The following LRP1B variants were observed in gnomAD, a reference collection of about 807,000 sequenced individuals.
The protein encoded by LRP1B is low-density lipoprotein receptor-related protein 1B.
In LRP1B, 217 loss-of-function variants were observed where a neutral mutation model predicts 556.6. That is an observed-to-expected ratio of 0.39 (90% CI 0.35 to 0.44). The LOEUF (loss-of-function observed/expected upper bound fraction) is 0.44. Among genes scored for constraint, LRP1B ranks in the 20% least tolerant of loss-of-function variants. The pLI, the probability that LRP1B is intolerant of heterozygous loss-of-function variation, is 1.00. For missense variants in LRP1B, 5,053 were observed against 5,620.8 expected (o/e 0.90, Z 3.23); for synonymous variants, 2,047 against 1,865.8 (o/e 1.10, Z -2.50).
At chr2:141,932,483 T>C (rs1336775968) in intron 1 of LRP1B, among the ~76,000 whole-genome samples, 1 of 152,048 alleles carries the variant, frequency 6.6e-6, no homozygotes, top group Non-Finnish European at 1.5e-5. Context: ...GCCCTCTATT[T>C]TACATTTTTC....
chr2:141,549,763 G>T (rs910402638), intron 2 of LRP1B, among the ~76,000 whole-genome samples: 3 of 152,144 alleles, frequency 2.0e-5, no homozygotes, highest in African/African-American at 7.2e-5. Context: ...TTGGGAGGCC[G>T]AGGCAGGTGG....
chr2:141,011,071 CAGAGAGAGAGAG>C (rs143409764), intron 14 of LRP1B, among the ~76,000 whole-genome samples: 1 of 142,792 alleles, frequency 7.0e-6, no homozygotes, highest in Non-Finnish European at 1.5e-5. Context: ...TGTATTCTCT[CAGAGAGAGAGAG>C]AGAGAGAGAG....
At chr2:141,227,838 C>A (rs535092598) in intron 6 of LRP1B, among the ~76,000 whole-genome samples, 1 of 152,216 alleles carries the variant, frequency 6.6e-6, no homozygotes, top group South Asian at 2.1e-4. Context: ...ATTATTGAAA[C>A]GAGATCAAAT....
At chr2:141,126,041 T>TA (rs1466055807) in intron 7 of LRP1B, among the ~76,000 whole-genome samples, 1 of 151,434 alleles carries the variant, frequency 6.6e-6, no homozygotes, top group African/African-American at 2.4e-5. Flanking sequence ...CCTTTTATTT[T>TA]TTTTTTTTTG....
intron 6 of LRP1B, among the ~76,000 whole-genome samples, chr2:141,197,990 C>T (rs1028707282): frequency 1.3e-5 from 2 of 151,856 alleles, no homozygotes; most frequent in African/African-American, 4.8e-5. Flanking sequence ...TCAATTATTG[C>T]CCCATAAGTT....
chr2:140,913,561 T>C (rs1362222210), intron 21 of LRP1B, among the ~76,000 whole-genome samples: 1 of 151,884 alleles, frequency 6.6e-6, no homozygotes, highest in African/African-American at 2.4e-5. Flanking sequence ...CCATGTAAAA[T>C]CAAAAAGCAA....
At chr2:140,498,082 A>C (rs191646982) in intron 55 of LRP1B, among the ~76,000 whole-genome samples, 1 of 152,004 alleles carries the variant, frequency 6.6e-6, no homozygotes, top group Admixed American at 6.6e-5. Flanking sequence ...AGAAAATAAT[A>C]ATCTTTTGCA....
At chr2:142,112,543 T>C (rs1317077450) in intron 1 of LRP1B, among the ~76,000 whole-genome samples, 4 of 152,082 alleles carry the variant, frequency 2.6e-5, no homozygotes, top group Non-Finnish European at 4.4e-5. Context: ...TCATGGAAGA[T>C]GTCATAAAAT....
At chr2:141,943,994 C>G (rs899871094) in intron 1 of LRP1B, among the ~76,000 whole-genome samples, 1 of 152,142 alleles carries the variant, frequency 6.6e-6, no homozygotes, top group African/African-American at 2.4e-5. Context: ...CACAGGGGAA[C>G]AGGAGGGCCA....
At chr2:141,766,098 AAACT>A (rs1470907500) in intron 2 of LRP1B, among the ~76,000 whole-genome samples, 1 of 152,208 alleles carries the variant, frequency 6.6e-6, no homozygotes, top group African/African-American at 2.4e-5. Context: ...GCACAAAATT[AAACT>A]ATGGGTAATT....
At chr2:142,031,578 T>C (rs76371326) in intron 1 of LRP1B, among the ~76,000 whole-genome samples, 1,690 of 142,310 alleles carry the variant, frequency 0.012, 85 homozygotes, top group East Asian at 0.12. Context: ...ATTCTCTTAA[T>C]GTATTGAAGA....
At chr2:140,299,310 T>TA (rs1683723854) in intron 83 of LRP1B, among the ~76,000 whole-genome samples, 1 of 152,100 alleles carries the variant, frequency 6.6e-6, no homozygotes, top group African/African-American at 2.4e-5. Flanking sequence ...CATAACTTAT[T>TA]AACTTTACTT....
chr2:142,028,723 TTA>T (rs1253913649), intron 1 of LRP1B, among the ~76,000 whole-genome samples: 1 of 151,950 alleles, frequency 6.6e-6, no homozygotes, highest in Non-Finnish European at 1.5e-5. Flanking sequence ...AATTTTGACT[TTA>T]TATAAGAAAG....
intron 66 of LRP1B, among the ~76,000 whole-genome samples, chr2:140,392,716 T>A (rs539305856): frequency 6.6e-6 from 1 of 152,232 alleles, no homozygotes; most frequent in East Asian, 1.9e-4. Context: ...TACATGTGAT[T>A]CAGAATATAG....
Position 140,601,593 on chromosome 2 carries a change from T to C in LRP1B, c.6846A>G (p.Thr2282=). 6.2e-7 allele frequency: 1 copy of C among 1,611,404 alleles called. No individual in the cohort carries two copies. Among genetic ancestry groups the C allele is most frequent in the Non-Finnish European group, 8.5e-7 (1 of 1,178,284 alleles). ...EGLAYHRAWD[T]LYWTSSTTSS... is the part of the protein sequence containing the mutation. ...AGGTGGTAGAGCTTGTCCAGTACAG[T>C]GTATCCCAGGCTCTGTGATAGGCAA... Residue 2282 remains threonine (T), a synonymous_variant, in exon 42 of 91, where the codon ACA becomes ACG. Transcript: ENST00000389484.
intron 7 of LRP1B, among the ~76,000 whole-genome samples, chr2:141,070,530 C>T (rs914407934): frequency 4.6e-5 from 7 of 151,984 alleles, no homozygotes; most frequent in African/African-American, 7.2e-5. Context: ...GAAATAGAGA[C>T]ACAAACAACC....
rs1686591815 is a variant in LRP1B at position 140,700,445 on chromosome 2, G to T, written c.6604C>A (p.Leu2202Ile). 3 of 1,613,164 alleles carry T rather than the reference G, an allele frequency of 1.9e-6. No homozygotes were observed. The highest frequency in any genetic ancestry group is 2.2e-5 in the East Asian group (1 of 44,858). The change falls in exon 41 of 91, where the codon CTT becomes ATT. Residue 2202 changes from leucine to isoleucine, a missense_variant. Leu to Ile is a conservative substitution (Grantham distance 5). Transcript: ENST00000389484. Reference sequence around the variant, plus strand: ...GAATTTAAATTGGTTTCATCAGAAAGATGTATACTTTTTAATATTGTTCTT... The same window carrying T: ...GAATTTAAATTGGTTTCATCAGAAATATGTATACTTTTTAATATTGTTCTT... ...SGRTILKSIH[L>I]SDETNLNSPI...
intron 66 of LRP1B, among the ~76,000 whole-genome samples, chr2:140,435,363 G>A (rs766553333): frequency 5.3e-5 from 8 of 152,050 alleles, no homozygotes; most frequent in Non-Finnish European, 1.0e-4. Context: ...GACGAGAAAA[G>A]CAGCATTACA....
chr2:140,357,941 T>G (rs2105134380), intron 74 of LRP1B, 38 bp downstream of exon 74: 1 of 1,587,336 alleles, frequency 6.3e-7, no homozygotes, highest in African/African-American at 1.3e-5. Flanking sequence ...GTTAGACTTG[T>G]GTATCCCGGT....
Sources: gnomAD v4.1 joint callset for allele counts (sites outside exome capture counted in the v4.1 genomes callset) on GRCh38, gnomAD v4.1.1 for gene constraint, MANE v1.5 for transcripts, NCBI Gene and HGNC (gene_info 2026-07-23, HGNC 2026-07-21) for gene names.